The following EML1 variants were observed in gnomAD, a reference collection of about 807,000 sequenced individuals.
EML1 encodes the protein EMAP like 1.
A neutral mutation model predicts 110.4 loss-of-function variants in EML1; 27 were observed. The ratio of observed to expected loss-of-function variants is 0.24; its 90% CI spans 0.18 to 0.34. The LOEUF is 0.34. EML1 is among the 10% of genes least tolerant of loss of function. The pLI is 1.00. For synonymous variants in EML1, 344 were observed against 385.8 expected, an observed-to-expected ratio of 0.89 and a Z score of 1.27; for missense variants, 741 against 1,030.9, an observed-to-expected ratio of 0.72 and a Z score of 3.85.
upstream of EML1, among the ~76,000 whole-genome samples, chr14:99,792,271 T>C (rs1335541430): frequency 6.6e-6 from 1 of 152,216 alleles, no homozygotes; most frequent in Non-Finnish European, 1.5e-5. Context: ...CTATTCAACC[T>C]GCACAAGTTA....
intron 10 of EML1, among the ~76,000 whole-genome samples, chr14:99,907,999 A>T (rs953986389): frequency 6.6e-6 from 1 of 152,130 alleles, no homozygotes; most frequent in Non-Finnish European, 1.5e-5. Flanking sequence ...TCATCCAGTC[A>T]TGTATTTGCT....
At chr14:99,793,405 C>T (rs1483070504), upstream of EML1, 42 of 1,008,208 alleles carry the variant, frequency 4.2e-5, no homozygotes, top group Non-Finnish European at 4.6e-5. Flanking sequence ...CGCGGTCGGG[C>T]TCAGCTCAGT....
intron 4 of EML1, among the ~76,000 whole-genome samples, chr14:99,879,752 C>T (rs543956086): frequency 2.2e-4 from 33 of 152,212 alleles, no homozygotes; most frequent in Admixed American, 1.6e-3. Flanking sequence ...GTGATAATAC[C>T]TTGGAAATGA....
At chr14:99,769,327 A>T (rs1451269977), upstream of EML1, among the ~76,000 whole-genome samples, 1 of 152,142 alleles carries the variant, frequency 6.6e-6, no homozygotes, top group Non-Finnish European at 1.5e-5. Context: ...TGTTCCAAGG[A>T]TCATTTTCTC....
At chr14:99,754,612 T>C (rs1171235176) in intron 1 of EML1, among the ~76,000 whole-genome samples, 2 of 152,170 alleles carry the variant, frequency 1.3e-5, no homozygotes, top group African/African-American at 4.8e-5. Context: ...CAGGCAGGGT[T>C]TGCATGCATC....
At chr14:99,864,322 AT>A in intron 2 of EML1, among the ~76,000 whole-genome samples, 1 of 152,312 alleles carries the variant, frequency 6.6e-6, no homozygotes, top group East Asian at 1.9e-4. Flanking sequence ...TCTTTTGCAA[AT>A]TTTTAAAAAT....
intron 5 of EML1, 41 bp from the exon 6 acceptor site, chr14:99,894,588 G>A: frequency 6.3e-7 from 1 of 1,587,606 alleles, no homozygotes; most frequent in African/African-American, 1.4e-5. Flanking sequence ...AGGTACGCTG[G>A]GCACTGAGGT....
At chr14:99,859,658 C>G (rs2058967024) in intron 2 of EML1, among the ~76,000 whole-genome samples, 1 of 152,120 alleles carries the variant, frequency 6.6e-6, no homozygotes, top group African/African-American at 2.4e-5. Flanking sequence ...TCCACTACCT[C>G]CCCCACTCTG....
At chr14:99,915,782 G>A (rs541320855) in intron 15 of EML1, among the ~76,000 whole-genome samples, 7 of 152,236 alleles carry the variant, frequency 4.6e-5, no homozygotes, top group South Asian at 2.1e-4. Flanking sequence ...CTCTGTTGCC[G>A]GTGCCCTAAT....
chr14:99,759,888 T>G (rs1411587566), intron 1 of EML1, among the ~76,000 whole-genome samples: 1 of 151,804 alleles, frequency 6.6e-6, no homozygotes, highest in Non-Finnish European at 1.5e-5. Flanking sequence ...CCGAGGTGGG[T>G]GGGTCACCTG....
chr14:99,744,364 G>A (rs1304757770), intron 1 of EML1, among the ~76,000 whole-genome samples: 2 of 152,004 alleles, frequency 1.3e-5, no homozygotes, highest in East Asian at 1.9e-4. Flanking sequence ...GAGAGATGGC[G>A]ACACAGCACC....
chr14:99,784,545 TGTC>T lies in EML1; in HGVS notation c.-27+10533_-27+10535del, dbSNP rs2057578590. Among the ~76,000 whole-genome samples the T allele has an allele frequency of 1.3e-5, 2 of 152,264 alleles. No individual in the cohort carries two copies. The highest frequency in any genetic ancestry group is 2.4e-5 in the African/African-American group (1 of 41,472). ...TACTGGGTTTCTTAGATAATAGAGT[TGTC>T]ATATCCATTTGGACTATCAACAGAT... On this transcript the variant is annotated intron_variant, in intron 1 of 22. Coordinates refer to the EML1 transcript ENST00000327921. This position sits in a 1 kb window ranked among gnomAD's most constrained non-coding sequence, Gnocchi z 4.5.
intron 1 of EML1, among the ~76,000 whole-genome samples, chr14:99,758,755 G>A (rs868811820): frequency 2.6e-5 from 4 of 152,162 alleles, no homozygotes; most frequent in East Asian, 1.9e-4. Flanking sequence ...GAGGAGCACC[G>A]AGTCGCTCAG....
chr14:99,898,685 G>C (rs1345477171), intron 8 of EML1, among the ~76,000 whole-genome samples: 1 of 151,564 alleles, frequency 6.6e-6, no homozygotes. Context: ...CCGGGAGGCG[G>C]AGGTTGCAGT....
intron 1 of EML1, among the ~76,000 whole-genome samples, chr14:99,849,545 A>G: frequency 6.7e-6 from 1 of 148,414 alleles, no homozygotes; most frequent in African/African-American, 2.5e-5. Flanking sequence ...ATATTTATTT[A>G]TTTATTTATT....
chr14:99,737,876 A>G, intron 1 of EML1: 2 of 1,288,630 alleles, frequency 1.6e-6, no homozygotes, highest in Non-Finnish European at 2.0e-6. Context: ...TGGCAGCGCT[A>G]TATTTACCCG....
At chr14:99,747,145 G>A (rs1319033271) in intron 1 of EML1, among the ~76,000 whole-genome samples, 1 of 128,008 alleles carries the variant, frequency 7.8e-6, no homozygotes, top group Admixed American at 1.0e-4. Flanking sequence ...CCGAGATAGC[G>A]CCACTGCACT....
At chr14:99,821,202 T>C (rs1430610037) in intron 1 of EML1, among the ~76,000 whole-genome samples, 1 of 152,068 alleles carries the variant, frequency 6.6e-6, no homozygotes, top group African/African-American at 2.4e-5. Context: ...TTGTTGTTGT[T>C]GAGACAGGGT....
chr14:99,748,381 G>T (rs1405111608), intron 1 of EML1, among the ~76,000 whole-genome samples: 3 of 152,136 alleles, frequency 2.0e-5, no homozygotes, highest in Non-Finnish European at 4.4e-5. Flanking sequence ...GCTCAAGGCT[G>T]CAGCTTTATA....
Sources: gnomAD v4.1 joint callset for allele counts (sites outside exome capture counted in the v4.1 genomes callset) on GRCh38, gnomAD v4.1.1 for gene constraint, Gnocchi (gnomAD v3.1) non-coding constraint, MANE v1.5 for transcripts, NCBI Gene and HGNC (gene_info 2026-07-23, HGNC 2026-07-21) for gene names.